The following TLL2 variants were observed in gnomAD, a reference collection of about 807,000 sequenced individuals.
TLL2 encodes the protein tolloid-like protein 2.
TLL2 carries 106 observed loss-of-function variants against 123.0 expected under a neutral mutation model. That is an observed-to-expected ratio of 0.86 (90% CI 0.74 to 1.01). The LOEUF is 1.01. Among genes scored for constraint, TLL2 ranks in the 50% least tolerant of loss-of-function variants. The probability of loss-of-function intolerance (pLI) is 0.00; values close to 1 mark genes in which losing one functional copy is unlikely to be tolerated. For missense variants in TLL2, 1,332 were observed against 1,336.7 expected, an observed-to-expected ratio of 1.00 and a Z score of 0.06; for synonymous variants, 494 against 516.8, an observed-to-expected ratio of 0.96 and a Z score of 0.60.
chr10:96,426,158 T>C (rs2134077874), intron 5 of TLL2, among the ~76,000 whole-genome samples: 1 of 152,228 alleles, frequency 6.6e-6, no homozygotes, highest in South Asian at 2.1e-4. Flanking sequence ...CTTCTCTTCT[T>C]TGACCAATCA....
At chr10:96,469,764 A>G (rs554962507) in intron 2 of TLL2, among the ~76,000 whole-genome samples, 62 of 152,380 alleles carry the variant, frequency 4.1e-4, no homozygotes, top group African/African-American at 1.4e-3. Context: ...TTACTGCTGT[A>G]TCCTTGGTGC....
At chr10:96,511,900 C>T (rs1400220029) in intron 1 of TLL2, among the ~76,000 whole-genome samples, 1 of 152,242 alleles carries the variant, frequency 6.6e-6, no homozygotes, top group Non-Finnish European at 1.5e-5. Flanking sequence ...TTCCCAGCTT[C>T]AGTGGCCCTC....
At chr10:96,380,380 C>T (rs1013062305) in intron 16 of TLL2, among the ~76,000 whole-genome samples, 12 of 152,264 alleles carry the variant, frequency 7.9e-5, no homozygotes, top group African/African-American at 2.6e-4. Flanking sequence ...CAATGTATTT[C>T]ACCTGCTTAT....
intron 4 of TLL2, among the ~76,000 whole-genome samples, chr10:96,430,651 G>T (rs1309432948): frequency 3.3e-5 from 5 of 152,228 alleles, no homozygotes; most frequent in African/African-American, 1.2e-4. Flanking sequence ...CAAGGCAGGT[G>T]GATCCCTTAA....
At chr10:96,382,967 A>G (rs1387026515) in intron 16 of TLL2, among the ~76,000 whole-genome samples, 1 of 151,846 alleles carries the variant, frequency 6.6e-6, no homozygotes, top group Non-Finnish European at 1.5e-5. Context: ...GGAGTTTCCT[A>G]AGGAGGGAGG....
chr10:96,498,214 G>C (rs1395170113), intron 1 of TLL2, among the ~76,000 whole-genome samples: 2 of 152,204 alleles, frequency 1.3e-5, no homozygotes, highest in African/African-American at 4.8e-5. Flanking sequence ...AGTCGCAGAG[G>C]ATGGAAAGAC....
chr10:96,510,655 C>A (rs1847619687), intron 1 of TLL2, among the ~76,000 whole-genome samples: 1 of 152,182 alleles, frequency 6.6e-6, no homozygotes, highest in Non-Finnish European at 1.5e-5. Flanking sequence ...CCCAAGGATA[C>A]ACAGCTTGTA....
chr10:96,381,521 T>C (rs1300054714), intron 16 of TLL2, among the ~76,000 whole-genome samples: 1 of 152,110 alleles, frequency 6.6e-6, no homozygotes, highest in Non-Finnish European at 1.5e-5. Flanking sequence ...CCTGATTACT[T>C]TCTCTCTAAT....
intron 20 of TLL2, among the ~76,000 whole-genome samples, chr10:96,368,641 C>G (rs986846338): frequency 6.6e-6 from 1 of 152,160 alleles, no homozygotes; most frequent in East Asian, 1.9e-4. Context: ...AAAGGATGCA[C>G]CATGAATCAC....
Position 96,496,285 on chromosome 10 carries a change from A to C in TLL2, c.176-15826T>G, listed in dbSNP as rs146412542. Among the ~76,000 whole-genome samples, 726 of 152,362 alleles carry C rather than the reference A, an allele frequency of 4.8e-3. 4 individuals carry two copies. Among genetic ancestry groups the C allele is most frequent in the Middle Eastern group, 0.014 (4 of 294 alleles). On this transcript the variant is annotated intron_variant, in intron 1 of 20. Coordinates refer to ENST00000357947, the MANE Select transcript of TLL2 (RefSeq NM_012465.4). ...AGAGGGTCAACAGAAATGGACAGAAATGGTGCATGAGTTGAGACCTATTTG... is the reference window on the plus strand; with the variant it reads ...AGAGGGTCAACAGAAATGGACAGAACTGGTGCATGAGTTGAGACCTATTTG...
chr10:96,421,258 C>T (rs1046295456), intron 6 of TLL2, among the ~76,000 whole-genome samples, 197 bp from the exon 7 acceptor site: 1 of 152,148 alleles, frequency 6.6e-6, no homozygotes, highest in African/African-American at 2.4e-5. Context: ...TGTGTTCTCC[C>T]AACCCCACCA....
At chr10:96,439,070 G>T (rs896697568) in intron 3 of TLL2, among the ~76,000 whole-genome samples, 4 of 60,354 alleles carry the variant, frequency 6.6e-5, no homozygotes, top group African/African-American at 2.6e-4. Context: ...TTTTTTTAAG[G>T]ATTTCTGCAT....
chr10:96,373,557 G>A (rs368612667), intron 19 of TLL2, 39 bp downstream of exon 19: 1 of 1,585,278 alleles, frequency 6.3e-7, no homozygotes, highest in Non-Finnish European at 8.7e-7. Flanking sequence ...TCCTGTCCAA[G>A]TGCTCATCAG....
At chr10:96,460,010 AT>A (rs5787189) in intron 2 of TLL2, among the ~76,000 whole-genome samples, 83,076 of 151,510 alleles carry the variant, frequency 0.55, 23,164 homozygotes, top group Middle Eastern at 0.66. Context: ...AGTAAGAATA[AT>A]TTTTTTTAAG....
intron 3 of TLL2, among the ~76,000 whole-genome samples, chr10:96,435,871 T>A (rs543939808): frequency 6.6e-6 from 1 of 152,358 alleles, no homozygotes; most frequent in East Asian, 1.9e-4. Flanking sequence ...ACGTCTTGTT[T>A]TCCTGTGTCT....
intron 16 of TLL2, among the ~76,000 whole-genome samples, chr10:96,383,265 T>G (rs1486913251): frequency 1.3e-5 from 2 of 152,234 alleles, no homozygotes; most frequent in Non-Finnish European, 2.9e-5. Context: ...AATGTGCTGC[T>G]GTAGTGGGTT....
rs1220976969 is a variant in TLL2 at position 96,405,243 on chromosome 10, G to T, written c.1256C>A (p.Ala419Asp). The T allele has an allele frequency of 6.2e-7, 1 of 1,614,076 alleles. No homozygotes were observed. The highest frequency in any genetic ancestry group is 1.7e-5 in the Admixed American group (1 of 60,022). ...VEVRDGYWRK[A>D]PLLGRFCGDK... is the part of the protein sequence containing the mutation. ...TAAAGTCAACTTACCCAAAAGGGGG[G>T]CTTTTCTCCAGTAACCATCCCGGAC... The change falls in exon 10 of 21, where the codon GCC (alanine) becomes GAC (aspartate). Residue 419 changes from alanine (A) to aspartate (D), a missense_variant. Physicochemically the swap from Ala to Asp is moderately radical, Grantham distance 126. Transcript: ENST00000357947.
At chr10:96,479,211 C>T (rs1564915646) in intron 2 of TLL2, among the ~76,000 whole-genome samples, 2 of 152,178 alleles carry the variant, frequency 1.3e-5, no homozygotes, top group Non-Finnish European at 2.9e-5. Flanking sequence ...ACTCATGAAA[C>T]AAGACACCAA....
chr10:96,457,284 A>C (rs946214212), intron 2 of TLL2, among the ~76,000 whole-genome samples: 1 of 152,212 alleles, frequency 6.6e-6, no homozygotes, highest in Admixed American at 6.5e-5. Flanking sequence ...AGCTCTTCCC[A>C]GGCCCCAGCC....
Sources: gnomAD v4.1 joint callset for allele counts (sites outside exome capture counted in the v4.1 genomes callset) on GRCh38, gnomAD v4.1.1 for gene constraint, MANE v1.5 for transcripts, NCBI Gene and HGNC (gene_info 2026-07-23, HGNC 2026-07-21) for gene names.